TOPBP1: variants seen among roughly 807,000 people sequenced by gnomAD.
The protein encoded by TOPBP1 is DNA topoisomerase 2-binding protein 1.
TOPBP1 carries 28 observed loss-of-function variants against 167.7 expected under a neutral mutation model. That is an observed-to-expected ratio of 0.17 (90% CI 0.12 to 0.23). The LOEUF (loss-of-function observed/expected upper bound fraction) is 0.23, where lower values mean the gene tolerates loss of function less well. TOPBP1 is among the 10% of genes least tolerant of loss of function. TOPBP1 has a pLI of 1.00. For synonymous variants in TOPBP1, 598 were observed against 611.4 expected, an observed-to-expected ratio of 0.98 and a Z score of 0.32; for missense variants, 1,554 against 1,809.6, an observed-to-expected ratio of 0.86 and a Z score of 2.56.
chr3:133,641,453 C>T (rs1369596162), intron 12 of TOPBP1, among the ~76,000 whole-genome samples: 2 of 152,072 alleles, frequency 1.3e-5, no homozygotes, highest in Non-Finnish European at 2.9e-5. Context: ...GCAGCCTTGA[C>T]CTCCCAGGCT....
At position 133,617,302 on chromosome 3, in the gene TOPBP1, C is replaced by T. The variant is rs199836296; in HGVS notation, c.3617G>A (p.Arg1206His). Residue 1206 changes from arginine to histidine, a missense_variant, in exon 22 of 28, where the codon CGT becomes CAT. Arg to His is a conservative substitution (Grantham distance 29, BLOSUM62 0). Coordinates refer to ENST00000260810, the MANE Select transcript of TOPBP1 (RefSeq NM_007027.4). ...TGGGTGTTTGGGAGCTTCAGTCACACGTATGTTTCCAGGATCACAGACAGC... is the reference window on the plus strand; with the variant it reads ...TGGGTGTTTGGGAGCTTCAGTCACATGTATGTTTCCAGGATCACAGACAGC... ...KQAVCDPGNIRVTEAPKHPIS... is the reference protein window; with the variant it reads ...KQAVCDPGNIHVTEAPKHPIS... The T allele has an allele frequency of 9.3e-6, 15 of 1,611,748 alleles. No homozygotes were observed. The highest frequency in any genetic ancestry group is 2.2e-5 in the East Asian group (1 of 44,822).
chr3:133,628,857 T>C, intron 14 of TOPBP1, 124 bp from the exon 15 acceptor site: 1 of 879,290 alleles, frequency 1.1e-6, no homozygotes, highest in African/African-American at 1.7e-5. Flanking sequence ...AGGGGGAGAA[T>C]CCTCAAAATT....
intron 19 of TOPBP1, among the ~76,000 whole-genome samples, chr3:133,620,796 A>T (rs1256753127): frequency 1.3e-5 from 2 of 151,928 alleles, no homozygotes; most frequent in African/African-American, 4.8e-5. Flanking sequence ...GCTGGTCTTG[A>T]ACTCCTGACC....
In TOPBP1 at chr3:133,638,101, A is replaced by G. The variant is rs78079875; in HGVS notation, c.2295T>C (p.His765=). 6 of 1,613,992 alleles carry G rather than the reference A, an allele frequency of 3.7e-6. No individual in the cohort carries two copies. The East Asian group carries it at 1.3e-4, about 36-fold the overall frequency. ...GINLNSDTAE[H]PGTRLQTHRK... is the part of the protein sequence containing the mutation. Reference sequence around the variant, plus strand: ...TGTGAGTTTGCAGGCGTGTGCCAGGATGCTCTGCAGTATCTGAATTTAGAT... The same window carrying G: ...TGTGAGTTTGCAGGCGTGTGCCAGGGTGCTCTGCAGTATCTGAATTTAGAT... Residue 765 remains histidine, a synonymous_variant, in exon 14 of 28, where the codon CAT becomes CAC. Coordinates refer to ENST00000260810, the MANE Select transcript of TOPBP1 (RefSeq NM_007027.4).
rs543935719 is a variant in TOPBP1, at chr3:133,602,501, T to G, written c.4426-1108A>C. ...GTAATTATAAAATACCATTTTTTATTTTAGTTTCCTCAAAATGCACAGAAT... is the reference window on the plus strand; with the variant it reads ...GTAATTATAAAATACCATTTTTTATGTTAGTTTCCTCAAAATGCACAGAAT... On this transcript the variant is annotated intron_variant, in intron 27 of 27. Coordinates refer to ENST00000260810, the MANE Select transcript of TOPBP1 (RefSeq NM_007027.4). Among the ~76,000 whole-genome samples, 4 of 152,372 alleles carry G rather than the reference T, an allele frequency of 2.6e-5. No homozygotes were observed. In the East Asian group the frequency reaches 7.7e-4, roughly 29 times the overall value.
intron 16 of TOPBP1, among the ~76,000 whole-genome samples, chr3:133,624,880 A>G (rs922903110): frequency 5.9e-5 from 9 of 152,212 alleles, no homozygotes; most frequent in African/African-American, 2.2e-4. Context: ...AGGATACTCA[A>G]TGAGTAAATG....
In TOPBP1 at chr3:133,618,449, G is replaced by C; in HGVS notation, c.3372-16C>G. 6.2e-7 allele frequency: 1 copy of C among 1,604,986 alleles called. No homozygotes were observed. The highest frequency in any genetic ancestry group is 8.5e-7 in the Non-Finnish European group (1 of 1,172,934). On this transcript the variant is annotated splice_polypyrimidine_tract_variant and intron_variant, in intron 20 of 27. Coordinates refer to ENST00000260810, the MANE Select transcript of TOPBP1 (RefSeq NM_007027.4). ...ACGAGACTGCCTAAGGAATAGAAGT[G>C]ACAGTTTAAATAAACAGCAATAACA...
chr3:133,630,442 T>A (rs918977854), intron 14 of TOPBP1, among the ~76,000 whole-genome samples: 1 of 152,012 alleles, frequency 6.6e-6, no homozygotes, highest in Admixed American at 6.6e-5. Flanking sequence ...GGACTCCAGA[T>A]GCACAACCCT....
chr3:133,659,284 G>A (rs890663079), intron 2 of TOPBP1, 134 bp from the exon 3 acceptor site: 4 of 860,374 alleles, frequency 4.6e-6, no homozygotes, highest in Admixed American at 3.1e-5. Context: ...CTCTGCAGAA[G>A]GCTCCCAAGT....
Position 133,649,613 on chromosome 3 carries a change from T to C in TOPBP1, c.1274A>G (p.Lys425Arg), listed in dbSNP as rs569207917. 1.9e-6 allele frequency: 3 copies of C among 1,613,704 alleles called. No homozygotes were observed. The East Asian group carries it at 6.7e-5, about 36-fold the overall frequency. Residue 425 changes from lysine to arginine, a missense_variant, in exon 10 of 28, where the codon AAG becomes AGG. Transcript: ENST00000260810. Reference sequence around the variant, plus strand: ...TTTACTGAAACACTCTAGCAACCACTTTGCTCCCACTACATGAGGCCTACA... The same window carrying C: ...TTTACTGAAACACTCTAGCAACCACCTTGCTCCCACTACATGAGGCCTACA... ...SAHRPHVVGAKWLLECFSKGY... is the reference protein window; with the variant it reads ...SAHRPHVVGARWLLECFSKGY...
intron 12 of TOPBP1, among the ~76,000 whole-genome samples, chr3:133,641,713 A>G (rs1360971129): frequency 6.6e-6 from 1 of 152,182 alleles, no homozygotes; most frequent in African/African-American, 2.4e-5. Flanking sequence ...CAGAATTTGC[A>G]TGACTTTCCT....
At chr3:133,656,428 T>C (rs184453076) in intron 5 of TOPBP1, among the ~76,000 whole-genome samples, 1 of 152,344 alleles carries the variant, frequency 6.6e-6, no homozygotes, top group African/African-American at 2.4e-5. Flanking sequence ...TATTTACAGC[T>C]GAGAACTTTA....
intron 23 of TOPBP1, among the ~76,000 whole-genome samples, chr3:133,616,602 T>C (rs538408844): frequency 2.0e-5 from 3 of 152,348 alleles, no homozygotes; most frequent in African/African-American, 7.2e-5. Context: ...AACTGCTAGA[T>C]TCCATTTGAA....
intron 27 of TOPBP1, among the ~76,000 whole-genome samples, chr3:133,604,677 T>C (rs1485406397): frequency 6.6e-6 from 1 of 151,734 alleles, no homozygotes; most frequent in Admixed American, 6.6e-5. Context: ...TCTCAGCACT[T>C]TGGGAGGCCA....
At chr3:133,644,548 T>G (rs1032663251) in intron 10 of TOPBP1, among the ~76,000 whole-genome samples, 185 bp from the exon 11 acceptor site, 1 of 152,258 alleles carries the variant, frequency 6.6e-6, no homozygotes, top group Non-Finnish European at 1.5e-5. Flanking sequence ...TCCTTATCAG[T>G]ATTACCATCA....
chr3:133,618,511 A>T lies in TOPBP1; in HGVS notation c.3372-78T>A, dbSNP rs1389061691. 4.3e-6 allele frequency: 6 copies of T among 1,401,262 alleles called. No individual in the cohort carries two copies. In the African/African-American group the frequency reaches 8.6e-5, roughly 20 times the overall value. 86.8% of individuals were successfully genotyped at this position (1,401,262 alleles called of 1,614,324 possible). On this transcript the variant is annotated intron_variant, in intron 20 of 27. Transcript: ENST00000260810. Reference sequence around the variant, plus strand: ...ATTAAATCCATAAGTTAGACCATAAAAGTTGTGGCTCACCTTTATATGCCC... The same window carrying T: ...ATTAAATCCATAAGTTAGACCATAATAGTTGTGGCTCACCTTTATATGCCC...
At chr3:133,631,705 C>G (rs1218700320) in intron 14 of TOPBP1, among the ~76,000 whole-genome samples, 1 of 152,112 alleles carries the variant, frequency 6.6e-6, no homozygotes, top group East Asian at 1.9e-4. Context: ...GTGGCGCGAC[C>G]TTGGTGCAAT....
At chr3:133,655,949 C>T (rs1032006270) in intron 5 of TOPBP1, among the ~76,000 whole-genome samples, 1 of 152,004 alleles carries the variant, frequency 6.6e-6, no homozygotes, top group African/African-American at 2.4e-5. Flanking sequence ...GAAGTAATCA[C>T]ATTGGGAATG....
intron 23 of TOPBP1, among the ~76,000 whole-genome samples, chr3:133,614,892 G>T (rs1255862122): frequency 6.6e-6 from 1 of 151,556 alleles, no homozygotes; most frequent in East Asian, 1.9e-4. Flanking sequence ...CAAGTTAATG[G>T]GAGCAGCACA....
Sources: gnomAD v4.1 joint callset for allele counts (sites outside exome capture counted in the v4.1 genomes callset) on GRCh38, gnomAD v4.1.1 for gene constraint, MANE v1.5 for transcripts, NCBI Gene and HGNC (gene_info 2026-07-23, HGNC 2026-07-21) for gene names.